The following MECOM variants were observed in gnomAD, a reference collection of about 807,000 sequenced individuals.
The protein encoded by MECOM is histone-lysine N-methyltransferase MECOM.
Under a neutral mutation model 116.3 loss-of-function variants are expected in MECOM, and 13 were observed. That is an observed-to-expected ratio of 0.11 (90% CI 0.07 to 0.18). MECOM has a LOEUF of 0.18. MECOM is among the 10% of genes least tolerant of loss of function. The pLI is 1.00. For synonymous variants in MECOM, 528 were observed against 535.2 expected, an observed-to-expected ratio of 0.99 and a Z score of 0.19; for missense variants, 1,299 against 1,509.0, an observed-to-expected ratio of 0.86 and a Z score of 2.31.
At chr3:169,337,293 T>C (rs950361422) in intron 2 of MECOM, among the ~76,000 whole-genome samples, 3 of 152,298 alleles carry the variant, frequency 2.0e-5, no homozygotes, top group East Asian at 3.9e-4. Flanking sequence ...TCCTTGCTAC[T>C]GTAGGACATT....
intron 1 of MECOM, among the ~76,000 whole-genome samples, chr3:169,524,127 C>T (rs1757706880): frequency 6.8e-6 from 1 of 147,544 alleles, no homozygotes; most frequent in Non-Finnish European, 1.5e-5. Context: ...GCATCTTATC[C>T]CTGAACCTAT....
chr3:169,492,299 G>A (rs1753197604), intron 1 of MECOM, among the ~76,000 whole-genome samples: 2 of 152,200 alleles, frequency 1.3e-5, no homozygotes, highest in Non-Finnish European at 2.9e-5. Flanking sequence ...CAATGAAACA[G>A]CAGTCAAGTC....
At chr3:169,440,338 T>C (rs748861780) in intron 1 of MECOM, among the ~76,000 whole-genome samples, 4 of 152,158 alleles carry the variant, frequency 2.6e-5, no homozygotes, top group Non-Finnish European at 5.9e-5. Context: ...AAATGCGAAA[T>C]GCTTTAATAG....
At chr3:169,217,558 G>A (rs1751569252) in intron 2 of MECOM, among the ~76,000 whole-genome samples, 1 of 152,094 alleles carries the variant, frequency 6.6e-6, no homozygotes, top group Non-Finnish European at 1.5e-5. Context: ...GCCAAGGCGG[G>A]CAGATCACTG....
At chr3:169,140,421 T>C (rs1737754978) in intron 3 of MECOM, among the ~76,000 whole-genome samples, 1 of 152,116 alleles carries the variant, frequency 6.6e-6, no homozygotes, top group Admixed American at 6.6e-5. Context: ...CTAGTGTCTT[T>C]GGTATAGCTT....
chr3:169,508,787 C>T (rs1755608344), intron 1 of MECOM, among the ~76,000 whole-genome samples: 1 of 152,124 alleles, frequency 6.6e-6, no homozygotes, highest in Non-Finnish European at 1.5e-5. Context: ...GATCATTCTA[C>T]TGGGAACTAT....
At chr3:169,326,820 A>G (rs1721903525) in intron 2 of MECOM, among the ~76,000 whole-genome samples, 2 of 152,208 alleles carry the variant, frequency 1.3e-5, no homozygotes, top group African/African-American at 2.4e-5. Flanking sequence ...TTAATATTCA[A>G]TGCAATAAGT....
intron 2 of MECOM, among the ~76,000 whole-genome samples, chr3:169,366,151 G>T (rs1038791790): frequency 6.6e-6 from 1 of 151,944 alleles, no homozygotes; most frequent in Non-Finnish European, 1.5e-5. Flanking sequence ...ATGACCTTCA[G>T]ATTTATCTTG....
chr3:169,512,853 A>C (rs2109034370), intron 1 of MECOM, among the ~76,000 whole-genome samples: 1 of 151,930 alleles, frequency 6.6e-6, no homozygotes, highest in African/African-American at 2.4e-5. Flanking sequence ...TTTCATCACC[A>C]GGAGTCTGAC....
intron 2 of MECOM, among the ~76,000 whole-genome samples, chr3:169,200,586 G>A (rs770164126): frequency 6.6e-6 from 1 of 152,018 alleles, no homozygotes; most frequent in African/African-American, 2.4e-5. Flanking sequence ...ACATAATGCC[G>A]AGCAACAGAA....
chr3:169,176,512 C>T (rs1028436938), intron 2 of MECOM, among the ~76,000 whole-genome samples: 7 of 152,056 alleles, frequency 4.6e-5, no homozygotes, highest in African/African-American at 1.2e-4. Flanking sequence ...ACCATAAAAA[C>T]CCTAGAAGAA....
chr3:169,449,228 A>T (rs1261952456), intron 1 of MECOM, among the ~76,000 whole-genome samples: 1 of 152,182 alleles, frequency 6.6e-6, no homozygotes, highest in East Asian at 1.9e-4. Flanking sequence ...AATGCATATG[A>T]TAAATTTCTC....
At chr3:169,463,252 T>C (rs1013301842) in intron 1 of MECOM, among the ~76,000 whole-genome samples, 2 of 152,220 alleles carry the variant, frequency 1.3e-5, no homozygotes, top group African/African-American at 4.8e-5. Context: ...GAGATTCCTA[T>C]ATGGCATCAT....
chr3:169,624,585 T>C (rs1251116233), intron 1 of MECOM, among the ~76,000 whole-genome samples: 2 of 152,174 alleles, frequency 1.3e-5, no homozygotes, highest in Admixed American at 6.5e-5. Flanking sequence ...TACCCTCTGA[T>C]GGGAACAGCT....
chr3:169,454,171 G>C (rs1462685355), intron 1 of MECOM, among the ~76,000 whole-genome samples: 2 of 152,182 alleles, frequency 1.3e-5, no homozygotes, highest in Non-Finnish European at 2.9e-5. Flanking sequence ...TAAAGGGCTT[G>C]TGCATCATTT....
At chr3:169,196,471 ATG>A in intron 2 of MECOM, among the ~76,000 whole-genome samples, 1 of 152,134 alleles carries the variant, frequency 6.6e-6, no homozygotes, top group East Asian at 1.9e-4. Context: ...AACATGAGGC[ATG>A]TGTTTTATTT....
At chr3:169,188,159 T>C (rs1189095231) in intron 2 of MECOM, among the ~76,000 whole-genome samples, 1 of 152,068 alleles carries the variant, frequency 6.6e-6, no homozygotes, top group African/African-American at 2.4e-5. Context: ...TCTCTCTCAA[T>C]ACCTGACAAC....
At chr3:169,626,027 C>CA (rs375928540) in intron 1 of MECOM, among the ~76,000 whole-genome samples, 77 of 152,248 alleles carry the variant, frequency 5.1e-4, no homozygotes, top group African/African-American at 1.7e-3. Context: ...CTTTTATTTC[C>CA]AAAAACTCAT....
chr3:169,513,594 C>T (rs1756248658), intron 1 of MECOM, among the ~76,000 whole-genome samples: 1 of 152,056 alleles, frequency 6.6e-6, no homozygotes, highest in South Asian at 2.1e-4. Flanking sequence ...GAAATAAATG[C>T]AGCGGGTAGA....
Sources: gnomAD v4.1 joint callset for allele counts (sites outside exome capture counted in the v4.1 genomes callset) on GRCh38, gnomAD v4.1.1 for gene constraint, MANE v1.5 for transcripts, NCBI Gene and HGNC (gene_info 2026-07-23, HGNC 2026-07-21) for gene names.